Variants in HNRNPK observed in about 807,000 individuals in gnomAD.
HNRNPK encodes dC-stretch binding protein.
A neutral mutation model predicts 67.0 loss-of-function variants in HNRNPK; 7 were observed. The ratio of observed to expected loss-of-function variants is 0.10; its 90% CI spans 0.06 to 0.20. The LOEUF is 0.20. HNRNPK is among the 10% of genes least tolerant of loss of function. The pLI is 1.00. For missense variants in HNRNPK, 264 were observed against 606.5 expected, an observed-to-expected ratio of 0.44 and a Z score of 5.93; for synonymous variants, 213 against 193.7, an observed-to-expected ratio of 1.10 and a Z score of -0.83.
Position 83,977,075 on chromosome 9 carries a change from A to C in HNRNPK, c.157-24T>G, listed in dbSNP as rs750674155. ...TTCTGGAGAAGATACAAAGACAAAA[A>C]ATTATTTTGCCTTTCCCTAAAATTA... On this transcript the variant is annotated intron_variant, in intron 4 of 16. Transcript: ENST00000376263. 4 of 1,584,130 alleles carry C rather than the reference A, an allele frequency of 2.5e-6. No individual in the cohort carries two copies. The Admixed American group carries it at 6.7e-5, about 27-fold the overall frequency.
At chr9:83,980,113 C>T (rs1292478793) in intron 1 of HNRNPK, 40 bp downstream of exon 1, 1 of 152,672 alleles carries the variant, frequency 6.5e-6, no homozygotes, top group African/African-American at 2.4e-5. Flanking sequence ...GGGCTCCGAC[C>T]CTCACCTCCA....
chr9:83,970,583 A>G, intron 15 of HNRNPK, 154 bp downstream of exon 15: 2 of 669,530 alleles, frequency 3.0e-6, no homozygotes, highest in Non-Finnish European at 5.2e-6. Context: ...GACAAGACTC[A>G]AACAGCTGAA....
At chr9:83,972,788 A>G in intron 10 of HNRNPK, 56 bp downstream of exon 10, 1 of 1,377,952 alleles carries the variant, frequency 7.3e-7, no homozygotes, top group Non-Finnish European at 9.9e-7. Flanking sequence ...ACTTTTGCAG[A>G]AGGTTATCAC....
chr9:83,974,148 C>G (rs921587738), intron 7 of HNRNPK, among the ~76,000 whole-genome samples, 175 bp from the exon 8 acceptor site: 4 of 152,076 alleles, frequency 2.6e-5, no homozygotes, highest in Non-Finnish European at 1.5e-5. Context: ...TCTATATACA[C>G]CTAGTGAATT....
rs1279372391 is a variant in HNRNPK at position 83,977,844 on chromosome 9, TTC to T, written c.59-60_59-59del. On this transcript the variant is annotated intron_variant, in intron 3 of 16. Coordinates refer to ENST00000376263, the MANE Select transcript of HNRNPK (RefSeq NM_031263.4). ...CAGCGAAGTCTCCAAAGTAACTCCA[TTC>T]TGTTTCAAGAGACTTGTTGCTAATC... 80 of 1,076,784 alleles carry T rather than the reference TTC, an allele frequency of 7.4e-5. No individual in the cohort carries two copies. In the African/African-American group the frequency reaches 1.2e-3, roughly 16 times the overall value. 66.7% of individuals were successfully genotyped at this position (1,076,784 alleles called of 1,614,324 possible).
At chr9:83,976,889 C>T (rs1231640397) in intron 5 of HNRNPK, 106 bp downstream of exon 5, 2 of 637,294 alleles carry the variant, frequency 3.1e-6, no homozygotes, top group Non-Finnish European at 5.4e-6. Flanking sequence ...TTACAAATGT[C>T]TTTGTAGCTA....
rs533259848 is a variant in HNRNPK at position 83,972,367 on chromosome 9, C to A, written c.646-178G>T. ...AGCAAAGTAAAGATTCCAAAGAAAT[C>A]CAATACTTTTGGCAAATGCTAAACA... On this transcript the variant is annotated intron_variant, in intron 10 of 16. Transcript: ENST00000376263. 5.2e-6 allele frequency: 3 copies of A among 577,738 alleles called. No homozygotes were observed. In the South Asian group the frequency reaches 7.5e-5, roughly 15 times the overall value. The allele number at this position is 577,738 out of a possible 1,614,324, so 35.8% of individuals were successfully genotyped here.
At chr9:83,975,853 G>A (rs766054663) in intron 5 of HNRNPK, 2 of 265,068 alleles carry the variant, frequency 7.5e-6, no homozygotes, top group East Asian at 6.4e-5. Context: ...AAATCTGACT[G>A]TGGCTTAACA....
intron 7 of HNRNPK, 40 bp downstream of exon 7, chr9:83,974,477 C>T (rs1451874343): frequency 5.2e-6 from 5 of 968,666 alleles, no homozygotes; most frequent in Middle Eastern, 3.0e-4. Context: ...AACATTCCCC[C>T]CTCATATTGT....
chr9:83,969,489 CATCTT>C (rs1588407114), intron 16 of HNRNPK, 49 bp from the exon 17 acceptor site: 2 of 1,143,618 alleles, frequency 1.7e-6, no homozygotes, highest in Non-Finnish European at 2.6e-6. Context: ...TTGCTCGTAA[CATCTT>C]AATCAACATC....
chr9:83,980,541 G>A (rs1957346391), upstream of HNRNPK: 1 of 152,954 alleles, frequency 6.5e-6, no homozygotes, highest in Admixed American at 6.5e-5. Flanking sequence ...GCAAGACGTC[G>A]AGGTCGGTGC....
At chr9:83,976,932 T>G in intron 5 of HNRNPK, 63 bp downstream of exon 5, 1 of 903,118 alleles carries the variant, frequency 1.1e-6, no homozygotes, top group South Asian at 1.6e-5. Context: ...TGTAAATCTT[T>G]AAATTTCTAT....
chr9:83,979,701 C>T, intron 1 of HNRNPK, among the ~76,000 whole-genome samples: 1 of 150,164 alleles, frequency 6.7e-6, no homozygotes, highest in Non-Finnish European at 1.5e-5. Context: ...ACCCACCACG[C>T]GGTCCCGAGG....
At position 83,977,057 on chromosome 9, in the gene HNRNPK, G is replaced by A; in HGVS notation, c.157-6C>T. The A allele has an allele frequency of 6.2e-7, 1 of 1,607,414 alleles. No homozygotes were observed. Among genetic ancestry groups the A allele is most frequent in the Admixed American group, 1.7e-5 (1 of 59,998 alleles). ...CCAATCACTGCCCCAGCATTCTGGAGAAGATACAAAGACAAAAAATTATTT... is the reference window on the plus strand; with the variant it reads ...CCAATCACTGCCCCAGCATTCTGGAAAAGATACAAAGACAAAAAATTATTT... On this transcript the variant is annotated splice_region_variant and splice_polypyrimidine_tract_variant and intron_variant, in intron 4 of 16. Coordinates refer to ENST00000376263, the MANE Select transcript of HNRNPK (RefSeq NM_031263.4).
At chr9:83,970,644 T>C in intron 15 of HNRNPK, 93 bp downstream of exon 15, 1 of 545,558 alleles carries the variant, frequency 1.8e-6, no homozygotes, top group Non-Finnish European at 3.2e-6. Flanking sequence ...AAATGTGTAT[T>C]TTTGTTAAAA....
At chr9:83,978,169 CT>C (rs1237095839) in intron 3 of HNRNPK, 25 bp downstream of exon 3, 2 of 1,445,224 alleles carry the variant, frequency 1.4e-6, no homozygotes, top group Non-Finnish European at 1.9e-6. Flanking sequence ...TAAAAAAATA[CT>C]GTTAAAACTA....
At chr9:83,971,246 T>TA in intron 13 of HNRNPK, 27 bp downstream of exon 13, 1 of 1,412,066 alleles carries the variant, frequency 7.1e-7, no homozygotes, top group Non-Finnish European at 1.0e-6. Flanking sequence ...ATCACTGATA[T>TA]ACACACGAAC....
At position 83,975,445 on chromosome 9, in the gene HNRNPK, A is replaced by C; in HGVS notation, c.257+17T>G. ...TCTTTCTAATCAGGCAGTGAGGCAT[A>C]AACTGTTGGGACATACCGCTCGGGG... On this transcript the variant is annotated intron_variant, in intron 6 of 16. Coordinates refer to ENST00000376263, the MANE Select transcript of HNRNPK (RefSeq NM_031263.4). 1 of 1,611,732 alleles carries C rather than the reference A, an allele frequency of 6.2e-7. No individual in the cohort carries two copies. The highest frequency in any genetic ancestry group is 8.5e-7 in the Non-Finnish European group (1 of 1,177,750).
At position 83,970,887 on chromosome 9, in the gene HNRNPK, G is replaced by A. The variant is rs1368393759; in HGVS notation, c.1108+10C>T. ...AATTAATGTTTGACTTCACAAAGGA[G>A]AGAACTTACCATATCCGGAGCCACC... On this transcript the variant is annotated intron_variant, in intron 14 of 16. Coordinates refer to ENST00000376263, the MANE Select transcript of HNRNPK (RefSeq NM_031263.4). 1 of 1,612,700 alleles carries A rather than the reference G, an allele frequency of 6.2e-7. No individual in the cohort carries two copies. The highest frequency in any genetic ancestry group is 8.5e-7 in the Non-Finnish European group (1 of 1,178,906).
Sources: allele counts gnomAD v4.1 joint callset (sites outside exome capture counted in the v4.1 genomes callset), GRCh38; gene constraint gnomAD v4.1.1; transcripts MANE v1.5; gene names NCBI Gene and HGNC (gene_info 2026-07-23, HGNC 2026-07-21).